DCLK1: variants seen among roughly 807,000 people sequenced by gnomAD.
The protein encoded by DCLK1 is serine/threonine-protein kinase DCLK1.
A neutral mutation model predicts 86.2 loss-of-function variants in DCLK1; 16 were observed. The ratio of observed to expected loss-of-function variants is 0.19; its 90% CI spans 0.13 to 0.28. The LOEUF (loss-of-function observed/expected upper bound fraction) is 0.28, where lower values mean the gene tolerates loss of function less well. DCLK1 is among the 10% of genes least tolerant of loss of function. The pLI, the probability that DCLK1 is intolerant of heterozygous loss-of-function variation, is 1.00. For missense variants in DCLK1, 590 were observed against 940.2 expected (o/e 0.63, Z 4.87); for synonymous variants, 369 against 370.5 (o/e 1.00, Z 0.05).
intron 5 of DCLK1, among the ~76,000 whole-genome samples, chr13:35,867,949 G>GAAAGACAGAAAGAAAGAAAGAAA (rs1871958525): frequency 2.8e-5 from 4 of 140,652 alleles, no homozygotes; most frequent in African/African-American, 1.1e-4. Flanking sequence ...AAGAAAGAAA[G>GAAAGACAGAAAGAAAGAAAGAAA]AAAGAAAGAA....
intron 15 of DCLK1, among the ~76,000 whole-genome samples, chr13:35,803,426 C>T (rs1014088538): frequency 6.6e-6 from 1 of 152,192 alleles, no homozygotes; most frequent in African/African-American, 2.4e-5. Flanking sequence ...ACTATTTTTG[C>T]ATGTCTGTAC....
chr13:35,793,924 A>G (rs2086755297), intron 15 of DCLK1, among the ~76,000 whole-genome samples: 1 of 152,204 alleles, frequency 6.6e-6, no homozygotes, highest in South Asian at 2.1e-4. Flanking sequence ...GGGCTTCTGC[A>G]TGGCCCATAA....
At chr13:36,116,095 A>G (rs1255503435) in intron 2 of DCLK1, among the ~76,000 whole-genome samples, 4 of 151,628 alleles carry the variant, frequency 2.6e-5, no homozygotes, top group Non-Finnish European at 5.9e-5. Flanking sequence ...GATTACAGGC[A>G]TGCACCACCA....
At chr13:36,094,695 G>A (rs549190614) in intron 3 of DCLK1, among the ~76,000 whole-genome samples, 11 of 152,278 alleles carry the variant, frequency 7.2e-5, no homozygotes, top group African/African-American at 2.2e-4. Context: ...GCTATCAGCC[G>A]GGAAGCACTT....
chr13:35,831,783 A>T (rs1868984393), intron 8 of DCLK1, among the ~76,000 whole-genome samples: 1 of 152,228 alleles, frequency 6.6e-6, no homozygotes, highest in Non-Finnish European at 1.5e-5. Context: ...ATCAATTTGT[A>T]AGGCTGCCTT....
chr13:35,829,804 G>C lies in DCLK1; in HGVS notation c.1230-1497C>G, dbSNP rs1011235686. 7.9e-5 allele frequency among the ~76,000 whole-genome samples: 12 copies of C among 152,140 alleles called. No individual in the cohort carries two copies. The South Asian group carries it at 1.4e-3, about 18-fold the overall frequency. On this transcript the variant is annotated intron_variant, in intron 8 of 16. Coordinates refer to ENST00000360631, the MANE Select transcript of DCLK1 (RefSeq NM_001330071.2). ...TAGAAGGTAAACCCTTTGCTTCGGG[G>C]CTCCCCTCCTGCAGATATGCGGCTG...
intron 4 of DCLK1, among the ~76,000 whole-genome samples, chr13:35,881,299 A>G (rs769959161): frequency 2.0e-5 from 3 of 152,198 alleles, no homozygotes; most frequent in Non-Finnish European, 4.4e-5. Flanking sequence ...TTGCACTTCC[A>G]ACTTAGCACC....
intron 3 of DCLK1, among the ~76,000 whole-genome samples, chr13:36,064,170 A>G (rs886408574): frequency 1.3e-5 from 2 of 152,230 alleles, no homozygotes; most frequent in African/African-American, 4.8e-5. Flanking sequence ...CATTCATTGA[A>G]TTTAACACAT....
intron 3 of DCLK1, among the ~76,000 whole-genome samples, chr13:36,055,268 C>T (rs1883261200): frequency 6.6e-6 from 1 of 152,116 alleles, no homozygotes; most frequent in African/African-American, 2.4e-5. Flanking sequence ...AGTAGAATAG[C>T]CTTTGAAACT....
chr13:35,822,682 A>C, intron 11 of DCLK1, 47 bp downstream of exon 11: 1 of 1,609,690 alleles, frequency 6.2e-7, no homozygotes, highest in African/African-American at 1.3e-5. Flanking sequence ...ATATTCCTTC[A>C]TGAGTGCTTG....
chr13:35,972,778 G>A (rs1003569632), intron 3 of DCLK1, among the ~76,000 whole-genome samples: 1 of 152,040 alleles, frequency 6.6e-6, no homozygotes, highest in Non-Finnish European at 1.5e-5. Context: ...GAAAAGGGAG[G>A]CCCCATCCCA....
rs979092427 is a variant in DCLK1, at chr13:35,895,797, A to G, written c.824-24457T>C. ...GCCTATACTCTATACAGTTGAGAGT[A>G]AACGCTCTTTTAGTATAATGAATAT... On this transcript the variant is annotated intron_variant, in intron 4 of 16. Transcript: ENST00000360631. Among the ~76,000 whole-genome samples the G allele has an allele frequency of 9.9e-5, 15 of 152,096 alleles. 2 individuals carry two copies. Among genetic ancestry groups the G allele is most frequent in the Admixed American group, 7.2e-4 (11 of 15,268 alleles).
At chr13:36,027,144 G>A (rs905606485) in intron 3 of DCLK1, among the ~76,000 whole-genome samples, 27 of 152,058 alleles carry the variant, frequency 1.8e-4, no homozygotes, top group African/African-American at 5.6e-4. Flanking sequence ...TTTTGGAACC[G>A]GGGACCAGTT....
chr13:35,874,697 G>A (rs569859662), intron 4 of DCLK1, among the ~76,000 whole-genome samples: 3 of 152,232 alleles, frequency 2.0e-5, no homozygotes, highest in East Asian at 1.9e-4. Flanking sequence ...CATTAACAAC[G>A]TCAGAAAATA....
At chr13:35,841,698 G>A (rs998347332) in intron 6 of DCLK1, among the ~76,000 whole-genome samples, 8 of 152,144 alleles carry the variant, frequency 5.3e-5, no homozygotes, top group African/African-American at 9.7e-5. Context: ...CGTACTTACG[G>A]TCATACAGAG....
intron 3 of DCLK1, among the ~76,000 whole-genome samples, chr13:35,974,146 C>T (rs1478652083): frequency 1.3e-5 from 2 of 152,176 alleles, no homozygotes; most frequent in African/African-American, 2.4e-5. Flanking sequence ...AACTAACATT[C>T]GTTGAGCATT....
chr13:36,113,232 A>T (rs902329566), intron 2 of DCLK1, among the ~76,000 whole-genome samples: 1 of 152,228 alleles, frequency 6.6e-6, no homozygotes, highest in Non-Finnish European at 1.5e-5. Flanking sequence ...TTCACAGTGC[A>T]AGCATCCAAG....
At chr13:35,889,894 A>G (rs1873531518) in intron 4 of DCLK1, among the ~76,000 whole-genome samples, 1 of 152,182 alleles carries the variant, frequency 6.6e-6, no homozygotes, top group Admixed American at 6.6e-5. Context: ...TTGTAAAAGA[A>G]CATATAGTGA....
At chr13:35,817,913 C>T (rs906599056) in intron 11 of DCLK1, among the ~76,000 whole-genome samples, 2 of 152,176 alleles carry the variant, frequency 1.3e-5, no homozygotes, top group African/African-American at 4.8e-5. Context: ...CACAACTACA[C>T]CAAAACTAAC....
Sources: gnomAD v4.1 joint callset for allele counts (sites outside exome capture counted in the v4.1 genomes callset) on GRCh38, gnomAD v4.1.1 for gene constraint, MANE v1.5 for transcripts, NCBI Gene and HGNC (gene_info 2026-07-23, HGNC 2026-07-21) for gene names.